The following ARMC9 variants were observed in gnomAD, a reference collection of about 807,000 sequenced individuals.
ARMC9 encodes the protein armadillo repeat containing 9.
Under a neutral mutation model 107.0 loss-of-function variants are expected in ARMC9, and 94 were observed. The ratio of observed to expected loss-of-function variants is 0.88; its 90% CI spans 0.74 to 1.04. The LOEUF (loss-of-function observed/expected upper bound fraction) is 1.04. Ranked by LOEUF, ARMC9 falls within the 50% of genes least tolerant of loss-of-function variation. ARMC9 has a pLI of 0.00. For missense variants in ARMC9, 942 were observed against 1,030.1 expected (o/e 0.91, Z 1.17); for synonymous variants, 380 against 396.9 (o/e 0.96, Z 0.51).
At chr2:231,237,753 G>GTATATATGTATATA (rs1400573205) in intron 8 of ARMC9, among the ~76,000 whole-genome samples, 5 of 24,448 alleles carry the variant, frequency 2.0e-4, no homozygotes, top group African/African-American at 6.8e-4. Flanking sequence ...TTGGCTATAT[G>GTATATATGTATATA]TATATATATA....
At position 231,375,842 on chromosome 2, in the gene ARMC9, C is replaced by G. The variant is rs979627250; in HGVS notation, c.*4307C>G. Among the ~76,000 whole-genome samples the G allele has an allele frequency of 6.6e-6, 1 of 151,984 alleles. No individual in the cohort carries two copies. Among genetic ancestry groups the G allele is most frequent in the Non-Finnish European group, 1.5e-5 (1 of 67,996 alleles). On this transcript the variant is annotated 3_prime_UTR_variant, in exon 25 of 25. Transcript: ENST00000611582. The surrounding 1 kb of genome is among the most constrained non-coding windows in gnomAD (Gnocchi z 4.3). Reference sequence around the variant, plus strand: ...GAAATAGGAAACTGGGGACAGAACCCGGGGGTGAGAAAGAAGACAGCAGGT... The same window carrying G: ...GAAATAGGAAACTGGGGACAGAACCGGGGGGTGAGAAAGAAGACAGCAGGT...
chr2:231,367,296 G>T (rs912582344), intron 23 of ARMC9, among the ~76,000 whole-genome samples: 1 of 152,254 alleles, frequency 6.6e-6, no homozygotes, highest in African/African-American at 2.4e-5. Flanking sequence ...CTGCCGCCCA[G>T]GCTTTCTCTC....
rs556047531 is a variant in ARMC9, at chr2:231,248,874, C to G, written c.880-7712C>G. On this transcript the variant is annotated intron_variant, in intron 9 of 24. Coordinates refer to ENST00000611582, the MANE Select transcript of ARMC9 (RefSeq NM_001352754.2). ...CCCTTCCGCATCTGATGGGGATGTG[C>G]CTCTGGCTTGGGCCTCCATCGCCTG... Among the ~76,000 whole-genome samples, 10 of 151,228 alleles carry G rather than the reference C, an allele frequency of 6.6e-5. No homozygotes were observed. In the East Asian group the frequency reaches 1.9e-3, roughly 29 times the overall value.
At chr2:231,262,244 A>G (rs745925562) in intron 11 of ARMC9, 62 bp from the exon 12 acceptor site, 49 of 1,491,586 alleles carry the variant, frequency 3.3e-5, no homozygotes, top group Middle Eastern at 1.7e-4. Context: ...CACACCTGCT[A>G]TGAGAAACTT....
intron 19 of ARMC9, among the ~76,000 whole-genome samples, chr2:231,314,930 T>C (rs2042577041): frequency 6.6e-6 from 1 of 152,220 alleles, no homozygotes; most frequent in African/African-American, 2.4e-5. Context: ...CCCGTTGTAT[T>C]GCTTTGTCAA....
intron 12 of ARMC9, among the ~76,000 whole-genome samples, chr2:231,264,305 A>G (rs1345247383): frequency 6.6e-6 from 1 of 151,828 alleles, no homozygotes; most frequent in Admixed American, 6.6e-5. Context: ...CAGCCTCCCA[A>G]GTAGCTGGGA....
rs142662168 is a variant in ARMC9, at chr2:231,287,553, T to TTGCTC, written c.1627-3798_1627-3794dup. ...GGGCTTTGCTTTGCTTTGCTTTGCTTTGCTCTCCTTCCTTTCGACGGGGTC... is the reference window on the plus strand; with the variant it reads ...GGGCTTTGCTTTGCTTTGCTTTGCTTTGCTCTGCTCTCCTTCCTTTCGACGGGGTC... On this transcript the variant is annotated intron_variant, in intron 17 of 24. Transcript: ENST00000611582. 8.8e-3 allele frequency among the ~76,000 whole-genome samples: 1,340 copies of TTGCTC among 152,172 alleles called. 12 individuals are homozygous for TTGCTC. Among genetic ancestry groups the TTGCTC allele is most frequent in the Non-Finnish European group, 0.015 (1,048 of 67,970 alleles).
chr2:231,263,853 A>G (rs1202914891), intron 12 of ARMC9, among the ~76,000 whole-genome samples: 1 of 152,212 alleles, frequency 6.6e-6, no homozygotes, highest in East Asian at 1.9e-4. Flanking sequence ...CAGCTGAATA[A>G]TGTATTGTTA....
Position 231,216,547 on chromosome 2 carries a change from G to A in ARMC9, c.349-91G>A, listed in dbSNP as rs528639873. ...ATAGGGGATGCCAGCGACACGACTGGGACAGAAGGAGCCTCAGAGAGAGGA... is the reference window on the plus strand; with the variant it reads ...ATAGGGGATGCCAGCGACACGACTGAGACAGAAGGAGCCTCAGAGAGAGGA... On this transcript the variant is annotated intron_variant, in intron 4 of 24. Transcript: ENST00000611582. 28 of 1,426,326 alleles carry A rather than the reference G, an allele frequency of 2.0e-5. No homozygotes were observed. The East Asian group carries it at 6.2e-4, about 31-fold the overall frequency. The allele number at this position is 1,426,326 out of a possible 1,614,324, so 88.4% of individuals were successfully genotyped here. A position where few individuals can be genotyped will look rare whatever the true frequency, so the allele number is the denominator to read the frequency against.
chr2:231,202,151 C>T (rs1265849454), intron 1 of ARMC9, among the ~76,000 whole-genome samples: 1 of 151,924 alleles, frequency 6.6e-6, no homozygotes, highest in African/African-American at 2.4e-5. Context: ...AGGTGCCTGC[C>T]ACCACACCCG....
At position 231,216,692 on chromosome 2, in the gene ARMC9, A is replaced by G. The variant is rs777276326; in HGVS notation, c.403A>G (p.Lys135Glu). ...CTACTTCAAAACCTACCTGGAGACCAAAGGGGCAGCCTTGAGCCAGACCAC... is the reference window on the plus strand; with the variant it reads ...CTACTTCAAAACCTACCTGGAGACCGAAGGGGCAGCCTTGAGCCAGACCAC... ...ISYFKTYLET[K>E]GAALSQTTEF... Residue 135 changes from lysine (K) to glutamate (E), a missense_variant, in exon 5 of 25, where the codon AAA (lysine) becomes GAA (glutamate). By Grantham distance (56) the Lys-to-Glu change is moderately conservative. Coordinates refer to ENST00000611582, the MANE Select transcript of ARMC9 (RefSeq NM_001352754.2). 2 of 1,614,012 alleles carry G rather than the reference A, an allele frequency of 1.2e-6. No individual in the cohort carries two copies. Among genetic ancestry groups the G allele is most frequent in the South Asian group, 1.1e-5 (1 of 91,076 alleles).
At chr2:231,238,041 G>A (rs7569597) in intron 8 of ARMC9, among the ~76,000 whole-genome samples, 30,833 of 151,500 alleles carry the variant, frequency 0.2, 3,302 homozygotes, top group Non-Finnish European at 0.21. Context: ...CTCACTGGTT[G>A]TGAGCTTTGC....
chr2:231,282,257 T>C, intron 17 of ARMC9, 124 bp downstream of exon 17: 2 of 950,630 alleles, frequency 2.1e-6, no homozygotes, highest in Non-Finnish European at 3.3e-6. Context: ...CTCCTTGAAA[T>C]TGTATGTAAA....
chr2:231,315,423 C>T (rs1029294314), intron 19 of ARMC9, among the ~76,000 whole-genome samples: 1 of 151,970 alleles, frequency 6.6e-6, no homozygotes, highest in African/African-American at 2.4e-5. Flanking sequence ...CCTGTAGTCC[C>T]AGCTACTCAG....
In ARMC9 at chr2:231,246,988, G is replaced by A. The variant is rs370115860; in HGVS notation, c.879+6947G>A. Among the ~76,000 whole-genome samples the A allele has an allele frequency of 5.5e-3, 818 of 149,314 alleles. 10 individuals are homozygous for A. Among genetic ancestry groups the A allele is most frequent in the African/African-American group, 0.018 (732 of 40,296 alleles). On this transcript the variant is annotated intron_variant, in intron 9 of 24. Transcript: ENST00000611582. ...TTTTTTTTTTTTAAGACCGAGTCTC[G>A]CTCCATCACCAGGCTGGAGTGCAGT... is the stretch of plus-strand genomic sequence containing the variant.
At chr2:231,216,910 T>C in intron 5 of ARMC9, 117 bp downstream of exon 5, 1 of 1,238,390 alleles carries the variant, frequency 8.1e-7, no homozygotes, top group East Asian at 2.4e-5. Flanking sequence ...CTTACATTAG[T>C]ATTATTTTTA....
intron 21 of ARMC9, among the ~76,000 whole-genome samples, chr2:231,351,922 G>C (rs762171363): frequency 6.6e-6 from 1 of 152,080 alleles, no homozygotes; most frequent in East Asian, 1.9e-4. Flanking sequence ...TAGTCCTCTT[G>C]AGGACACAAT....
At chr2:231,220,686 C>A (rs2034030987) in intron 5 of ARMC9, among the ~76,000 whole-genome samples, 1 of 151,608 alleles carries the variant, frequency 6.6e-6, no homozygotes, top group Admixed American at 6.6e-5. Flanking sequence ...ACAAATCGAC[C>A]CACCACGCCC....
chr2:231,355,136 C>T (rs1187205714), intron 21 of ARMC9, among the ~76,000 whole-genome samples: 1 of 152,104 alleles, frequency 6.6e-6, no homozygotes, highest in Non-Finnish European at 1.5e-5. Flanking sequence ...CCCAGGAGTT[C>T]GAGACCAGTC....
Sources: allele counts gnomAD v4.1 joint callset (sites outside exome capture counted in the v4.1 genomes callset), GRCh38; gene constraint gnomAD v4.1.1; non-coding constraint Gnocchi (gnomAD v3.1); transcripts MANE v1.5; gene names NCBI Gene and HGNC (gene_info 2026-07-23, HGNC 2026-07-21).